CPS1: variants seen among roughly 807,000 people sequenced by gnomAD.
CPS1 encodes the protein carbamoyl-phosphate synthase [ammonia], mitochondrial.
Under a neutral mutation model 174.6 loss-of-function variants are expected in CPS1, and 109 were observed. The ratio of observed to expected loss-of-function variants is 0.62; its 90% CI spans 0.53 to 0.73. The LOEUF is 0.73. CPS1 is among the 30% of genes least tolerant of loss of function. The pLI, the probability that CPS1 is intolerant of heterozygous loss-of-function variation, is 0.00. For missense variants in CPS1, 1,689 were observed against 1,821.9 expected (o/e 0.93, Z 1.33); for synonymous variants, 637 against 632.0 (o/e 1.01, Z -0.12).
At chr2:210,556,993 C>A in intron 1 of CPS1, 134 bp downstream of exon 1, 1 of 1,041,224 alleles carries the variant, frequency 9.6e-7, no homozygotes, top group South Asian at 1.4e-5. Flanking sequence ...GTTTCCTTTA[C>A]TGTGGAACCT....
chr2:210,515,743 C>T (rs116793381), intron 1 of CPS1, among the ~76,000 whole-genome samples: 536 of 151,500 alleles, frequency 3.5e-3, no homozygotes, highest in African/African-American at 0.012. Context: ...TTGCTAGCTG[C>T]GGGGTTAGTT....
intron 5 of CPS1, 87 bp from the exon 6 acceptor site, chr2:210,582,530 G>C: frequency 3.3e-6 from 3 of 918,456 alleles, no homozygotes; most frequent in Non-Finnish European, 5.5e-6. Flanking sequence ...AAGTCTTGCA[G>C]CAGCTGTTTA....
intron 1 of CPS1, among the ~76,000 whole-genome samples, chr2:210,509,932 G>A (rs1169724846): frequency 3.9e-5 from 6 of 152,216 alleles, no homozygotes; most frequent in East Asian, 3.9e-4. Flanking sequence ...AATCAATATC[G>A]TGAAAATGGC....
At chr2:210,486,103 TACACACACACATACACAC>T (rs1415599791) in intron 1 of CPS1, among the ~76,000 whole-genome samples, 39 of 103,930 alleles carry the variant, frequency 3.8e-4, no homozygotes, top group African/African-American at 1.3e-3. Context: ...CATATATATA[TACACACACACATACACAC>T]ACACACACAC....
At chr2:210,500,259 T>C (rs1042276823) in intron 1 of CPS1, among the ~76,000 whole-genome samples, 8 of 152,138 alleles carry the variant, frequency 5.3e-5, no homozygotes, top group Non-Finnish European at 1.2e-4. Flanking sequence ...AGCCATGTGA[T>C]ATCATCCCAC....
intron 1 of CPS1, among the ~76,000 whole-genome samples, chr2:210,504,524 G>A (rs1695228893): frequency 6.6e-6 from 1 of 152,174 alleles, no homozygotes; most frequent in South Asian, 2.1e-4. Flanking sequence ...GGTTAAGTAA[G>A]TTGCTCAATG....
intron 1 of CPS1, among the ~76,000 whole-genome samples, chr2:210,517,338 A>G (rs527338467): frequency 2.6e-4 from 39 of 152,146 alleles, no homozygotes; most frequent in Admixed American, 1.1e-3. Context: ...GCACAGGCAT[A>G]GGTCAGAAGT....
At chr2:210,498,537 A>C (rs933953725) in intron 1 of CPS1, among the ~76,000 whole-genome samples, 1 of 152,150 alleles carries the variant, frequency 6.6e-6, no homozygotes, top group Non-Finnish European at 1.5e-5. Context: ...GTTATTTATC[A>C]GTTCCAGGAG....
At chr2:210,571,777 G>C (rs1043907607) in intron 1 of CPS1, among the ~76,000 whole-genome samples, 1 of 151,806 alleles carries the variant, frequency 6.6e-6, no homozygotes, top group African/African-American at 2.4e-5. Context: ...GAAAAATTGA[G>C]TGCATGTTAT....
chr2:210,571,774 T>G (rs566070105), intron 1 of CPS1, among the ~76,000 whole-genome samples: 1 of 151,752 alleles, frequency 6.6e-6, no homozygotes, highest in East Asian at 1.9e-4. Context: ...TTTGAAAAAT[T>G]GAGTGCATGT....
chr2:210,593,494 T>G (rs1488467225), intron 11 of CPS1: 1 of 987,898 alleles, frequency 1.0e-6, no homozygotes, highest in East Asian at 1.1e-4. Flanking sequence ...GAGTTTTGTA[T>G]TTAATCTAAA....
intron 1 of CPS1, among the ~76,000 whole-genome samples, chr2:210,479,287 C>A (rs1350077206): frequency 6.6e-6 from 1 of 151,630 alleles, no homozygotes; most frequent in East Asian, 1.9e-4. Context: ...CTTACGACAC[C>A]ATCATAGTGG....
In CPS1 at chr2:210,658,647, C is replaced by G. The variant is rs1456220697; in HGVS notation, c.3715C>G (p.Pro1239Ala). ...TGCAAAGGCTTTTGCCATCTCTGGT[C>G]CATTCAACGTCCAATTTCTTGTCAA... The part of the protein sequence containing the change: ...KIAKAFAISG[P>A]FNVQFLVKGN... The change falls in exon 31 of 38, where the codon CCA (proline) becomes GCA (alanine). Residue 1239 changes from proline (P) to alanine (A), a missense_variant. Physicochemically the swap from Pro to Ala is conservative, Grantham distance 27. Coordinates refer to ENST00000233072, the MANE Select transcript of CPS1 (RefSeq NM_001875.5). The G allele has an allele frequency of 6.2e-7, 1 of 1,613,860 alleles. No individual in the cohort carries two copies. The highest frequency in any genetic ancestry group is 8.5e-7 in the Non-Finnish European group (1 of 1,179,940).
intron 30 of CPS1, chr2:210,658,144 C>A: frequency 4.5e-6 from 1 of 222,754 alleles, no homozygotes; most frequent in Non-Finnish European, 9.0e-6. Flanking sequence ...TTGTAGAGTC[C>A]AGGGCAACAG....
chr2:210,642,715 A>T (rs1433586509), intron 25 of CPS1, 50 bp downstream of exon 25: 3 of 1,512,794 alleles, frequency 2.0e-6, no homozygotes, highest in Admixed American at 3.6e-5. Context: ...AGATATATGT[A>T]GTATACACTT....
intron 8 of CPS1, 125 bp downstream of exon 8, chr2:210,590,359 T>C: frequency 7.3e-7 from 1 of 1,368,584 alleles, no homozygotes; most frequent in South Asian, 1.2e-5. Flanking sequence ...TTGTGACTTC[T>C]GAGGCAGTGT....
chr2:210,678,191 A>G lies in CPS1; in HGVS notation c.*206A>G. 1.6e-6 allele frequency: 1 copy of G among 634,360 alleles called. No homozygotes were observed. Among genetic ancestry groups the G allele is most frequent in the Middle Eastern group, 3.3e-4 (1 of 3,030 alleles). The allele number at this position is 634,360 out of a possible 1,614,324, so 39.3% of individuals were successfully genotyped here. On this transcript the variant is annotated 3_prime_UTR_variant, in exon 38 of 38. Transcript: ENST00000233072. ...TACAGTCCTTCCTAAGTTACTCTTC[A>G]TGAGATTTCATCCATTTACTAATAC...
chr2:210,545,824 C>A (rs1446460401), intron 1 of CPS1, among the ~76,000 whole-genome samples: 2 of 151,878 alleles, frequency 1.3e-5, no homozygotes, highest in Non-Finnish European at 2.9e-5. Context: ...TCTTTTTGTT[C>A]TCTTGAGAAT....
At chr2:210,478,394 T>A (rs1436430850) in intron 1 of CPS1, among the ~76,000 whole-genome samples, 1 of 152,262 alleles carries the variant, frequency 6.6e-6, no homozygotes, top group East Asian at 1.9e-4. Flanking sequence ...CTTTCCTTCA[T>A]ATACCTGTTA....
Sources: gnomAD v4.1 joint callset for allele counts (sites outside exome capture counted in the v4.1 genomes callset) on GRCh38, gnomAD v4.1.1 for gene constraint, MANE v1.5 for transcripts, NCBI Gene and HGNC (gene_info 2026-07-23, HGNC 2026-07-21) for gene names.